Variants in COBL observed in about 807,000 individuals in gnomAD.
COBL encodes the protein cordon-bleu WH2 repeat protein, also known as protein cordon-bleu.
A neutral mutation model predicts 98.8 loss-of-function variants in COBL; 51 were observed. That is an observed-to-expected ratio of 0.52 (90% CI 0.41 to 0.65). COBL has a LOEUF of 0.65. Among genes scored for constraint, COBL ranks in the 30% least tolerant of loss-of-function variants. The pLI is 0.00. For missense variants in COBL, 1,617 were observed against 1,617.5 expected (o/e 1.00, Z 0.01); for synonymous variants, 634 against 651.7 (o/e 0.97, Z 0.41).
intron 5 of COBL, among the ~76,000 whole-genome samples, chr7:51,144,453 C>G (rs1784841059): frequency 6.6e-6 from 1 of 152,198 alleles, no homozygotes; most frequent in African/African-American, 2.4e-5. Flanking sequence ...CACACCCAGG[C>G]TGCACACCAA....
At chr7:51,290,551 G>C (rs539127947) in intron 1 of COBL, among the ~76,000 whole-genome samples, 10 of 152,144 alleles carry the variant, frequency 6.6e-5, no homozygotes, top group South Asian at 4.2e-4. Context: ...CAGAACAAAG[G>C]GTGCGTGAAA....
chr7:51,189,386 C>T (rs182951264), intron 4 of COBL, among the ~76,000 whole-genome samples: 9 of 152,302 alleles, frequency 5.9e-5, no homozygotes, highest in Middle Eastern at 3.4e-3. Flanking sequence ...GTAATCCCAG[C>T]ATTTTGGGAG....
intron 6 of COBL, among the ~76,000 whole-genome samples, chr7:51,131,040 T>G (rs1054416642): frequency 6.6e-6 from 1 of 152,226 alleles, no homozygotes; most frequent in Non-Finnish European, 1.5e-5. Context: ...AAGTCTATTT[T>G]GGGTTATACT....
intron 1 of COBL, among the ~76,000 whole-genome samples, chr7:51,300,513 A>G (rs1167598298): frequency 6.6e-6 from 1 of 151,958 alleles, no homozygotes; most frequent in Non-Finnish European, 1.5e-5. Flanking sequence ...CTGGGTCTGG[A>G]CCCTTCTTAC....
At chr7:51,216,511 A>T (rs1300350538) in intron 2 of COBL, among the ~76,000 whole-genome samples, 2 of 152,152 alleles carry the variant, frequency 1.3e-5, no homozygotes, top group African/African-American at 4.8e-5. Context: ...AAATGATGGG[A>T]TTGTGGCCTC....
At chr7:51,223,241 G>A (rs1793831640) in intron 1 of COBL, among the ~76,000 whole-genome samples, 1 of 152,266 alleles carries the variant, frequency 6.6e-6, no homozygotes, top group Admixed American at 6.5e-5. Context: ...AGTGCTGTGA[G>A]CATTAGTGTG....
chr7:51,275,241 G>A (rs1240994726), intron 1 of COBL, among the ~76,000 whole-genome samples: 1 of 152,200 alleles, frequency 6.6e-6, no homozygotes. Context: ...CAGTGTCCAG[G>A]CTGCCCTCCT....
intron 1 of COBL, among the ~76,000 whole-genome samples, chr7:51,288,912 A>G (rs1486426901): frequency 6.6e-6 from 1 of 152,250 alleles, no homozygotes; most frequent in Non-Finnish European, 1.5e-5. Context: ...CCTTGTTAAA[A>G]TATGAACAAG....
At chr7:51,223,510 GA>G (rs1459038719) in intron 1 of COBL, among the ~76,000 whole-genome samples, 3 of 152,168 alleles carry the variant, frequency 2.0e-5, no homozygotes, top group Non-Finnish European at 4.4e-5. Flanking sequence ...CAAACTTCCA[GA>G]GAGTCTGAAG....
At chr7:51,164,734 T>C (rs1227795125) in intron 5 of COBL, among the ~76,000 whole-genome samples, 1 of 152,086 alleles carries the variant, frequency 6.6e-6, no homozygotes, top group Non-Finnish European at 1.5e-5. Flanking sequence ...ACTGTAACTA[T>C]GGTGTATAAA....
At chr7:51,259,128 A>G (rs1797475321) in intron 1 of COBL, among the ~76,000 whole-genome samples, 1 of 152,064 alleles carries the variant, frequency 6.6e-6, no homozygotes, top group Admixed American at 6.6e-5. Flanking sequence ...TCTCTACTAA[A>G]AATACAAAAT....
At chr7:51,143,207 C>CGTGT (rs1055778104) in intron 5 of COBL, among the ~76,000 whole-genome samples, 3 of 151,868 alleles carry the variant, frequency 2.0e-5, no homozygotes, top group African/African-American at 7.3e-5. Flanking sequence ...AATCTGCATG[C>CGTGT]GTGTGTGTGT....
intron 6 of COBL, among the ~76,000 whole-genome samples, chr7:51,097,702 G>A (rs534499938): frequency 1.7e-3 from 255 of 152,180 alleles, no homozygotes; most frequent in African/African-American, 6.0e-3. Context: ...ATTTGCAGTT[G>A]CATTAAAAAT....
chr7:51,121,112 C>T (rs1797697967), intron 6 of COBL, among the ~76,000 whole-genome samples: 1 of 152,178 alleles, frequency 6.6e-6, no homozygotes, highest in African/African-American at 2.4e-5. Context: ...TCCACAGTGG[C>T]TGCACCATTT....
intron 8 of COBL, 109 bp from the exon 9 acceptor site, chr7:51,031,018 G>C (rs1035720017): frequency 1.6e-5 from 12 of 769,738 alleles, no homozygotes; most frequent in East Asian, 7.7e-5. Context: ...AATTCAAGCA[G>C]TCACATACTC....
intron 2 of COBL, among the ~76,000 whole-genome samples, chr7:51,203,769 C>T (rs1016965728): frequency 8.6e-5 from 13 of 152,016 alleles, no homozygotes; most frequent in African/African-American, 2.9e-4. Flanking sequence ...AGGACCAAAT[C>T]GATTCAATGA....
intron 2 of COBL, among the ~76,000 whole-genome samples, chr7:51,194,593 T>C (rs1055593706): frequency 2.6e-5 from 4 of 152,204 alleles, no homozygotes; most frequent in African/African-American, 9.6e-5. Flanking sequence ...TGTATAAGTG[T>C]TCCTTTTTCT....
chr7:51,035,349 A>G (rs1205935676), intron 8 of COBL: 1 of 145,404 alleles, frequency 6.9e-6, no homozygotes, highest in African/African-American at 2.7e-5. Context: ...AGGCTAGTAC[A>G]GTGGCAGAAT....
Position 51,189,583 on chromosome 7 carries a change from G to A in COBL, c.685+1267C>T, listed in dbSNP as rs562850735. On this transcript the variant is annotated intron_variant, in intron 4 of 12. Transcript: ENST00000265136. ...TGGGAGGTGGAGGTTGCAGTGAGCC[G>A]ATATTGCACCATTGCACTACAGCCT... Among the ~76,000 whole-genome samples, 5 of 152,004 alleles carry A rather than the reference G, an allele frequency of 3.3e-5. No individual in the cohort carries two copies. In the East Asian group the frequency reaches 9.7e-4, roughly 29 times the overall value.
Sources: allele counts gnomAD v4.1 joint callset (sites outside exome capture counted in the v4.1 genomes callset), GRCh38; gene constraint gnomAD v4.1.1; transcripts MANE v1.5; gene names NCBI Gene and HGNC (gene_info 2026-07-23, HGNC 2026-07-21).